The following NKAIN2 variants were observed in gnomAD, a reference collection of about 807,000 sequenced individuals.
NKAIN2 encodes sodium/potassium transporting ATPase interacting 2, also known as sodium/potassium-transporting ATPase subunit beta-1-interacting protein 2.
A neutral mutation model predicts 32.6 loss-of-function variants in NKAIN2; 14 were observed. That is an observed-to-expected ratio of 0.43 (90% confidence interval 0.28 to 0.67). NKAIN2 has a LOEUF of 0.67. Ranked by LOEUF, NKAIN2 falls within the 30% of genes least tolerant of loss-of-function variation. NKAIN2 has a pLI of 0.17. For synonymous variants in NKAIN2, 80 were observed against 87.2 expected (o/e 0.92, Z 0.46); for missense variants, 198 against 258.3 (o/e 0.77, Z 1.60).
At chr6:123,854,362 A>G (rs1775476612) in intron 1 of NKAIN2, among the ~76,000 whole-genome samples, 1 of 152,156 alleles carries the variant, frequency 6.6e-6, no homozygotes, top group Non-Finnish European at 1.5e-5. Flanking sequence ...TTGGTAGCTT[A>G]TACAATTTTA....
chr6:124,652,830 T>C (rs923298900), intron 3 of NKAIN2, among the ~76,000 whole-genome samples: 3 of 152,138 alleles, frequency 2.0e-5, no homozygotes, highest in Non-Finnish European at 4.4e-5. Flanking sequence ...CATTAGTCCA[T>C]TGGTGAGCCT....
At chr6:124,221,519 C>T (rs1055131034) in intron 1 of NKAIN2, among the ~76,000 whole-genome samples, 1 of 151,656 alleles carries the variant, frequency 6.6e-6, no homozygotes, top group Non-Finnish European at 1.5e-5. Flanking sequence ...AACTAACCTG[C>T]ACAATGTGCA....
intron 1 of NKAIN2, among the ~76,000 whole-genome samples, chr6:124,060,273 C>T (rs1009304861): frequency 3.9e-5 from 6 of 152,134 alleles, no homozygotes; most frequent in African/African-American, 1.2e-4. Flanking sequence ...TTGGCATTTT[C>T]GTAGGTGCTT....
chr6:123,911,915 A>G (rs1775233153), intron 1 of NKAIN2, among the ~76,000 whole-genome samples: 1 of 149,438 alleles, frequency 6.7e-6, no homozygotes. Flanking sequence ...TCAACCAACC[A>G]ATTTTACAGG....
intron 4 of NKAIN2, among the ~76,000 whole-genome samples, chr6:124,783,431 T>C (rs1011447279): frequency 6.6e-6 from 1 of 152,208 alleles, no homozygotes; most frequent in Non-Finnish European, 1.5e-5. Flanking sequence ...TGCTTGATGA[T>C]GCAGCAGAAT....
At chr6:124,038,749 C>CT in intron 1 of NKAIN2, among the ~76,000 whole-genome samples, 1 of 152,216 alleles carries the variant, frequency 6.6e-6, no homozygotes, top group African/African-American at 2.4e-5. Flanking sequence ...TAATATATAA[C>CT]TTTAATGAAA....
intron 1 of NKAIN2, among the ~76,000 whole-genome samples, chr6:123,941,561 G>A (rs986306495): frequency 2.6e-5 from 4 of 151,568 alleles, no homozygotes; most frequent in Admixed American, 6.6e-5. Context: ...TATATAAGTC[G>A]TTGACTTAAA....
intron 3 of NKAIN2, among the ~76,000 whole-genome samples, chr6:124,418,376 C>T (rs1037588991): frequency 4.0e-5 from 6 of 151,712 alleles, no homozygotes; most frequent in African/African-American, 1.5e-4. Flanking sequence ...AGATGATTTT[C>T]AGATCCCTGC....
At chr6:123,997,147 GGT>G (rs754612878) in intron 1 of NKAIN2, among the ~76,000 whole-genome samples, 8 of 152,002 alleles carry the variant, frequency 5.3e-5, no homozygotes, top group Non-Finnish European at 1.2e-4. Context: ...AGAAGATAAA[GGT>G]GTTAAGAAAT....
intron 2 of NKAIN2, among the ~76,000 whole-genome samples, chr6:124,353,726 GC>G (rs1798837307): frequency 6.6e-6 from 1 of 151,884 alleles, no homozygotes. Flanking sequence ...CTGCACTCCA[GC>G]CTGGGCGACA....
At chr6:124,324,977 A>T (rs2115034707) in intron 2 of NKAIN2, among the ~76,000 whole-genome samples, 1 of 152,186 alleles carries the variant, frequency 6.6e-6, no homozygotes, top group East Asian at 1.9e-4. Flanking sequence ...ATCTATGATC[A>T]TGACAGATAT....
intron 3 of NKAIN2, among the ~76,000 whole-genome samples, chr6:124,625,245 A>G (rs1485703196): frequency 6.6e-6 from 1 of 152,084 alleles, no homozygotes; most frequent in Non-Finnish European, 1.5e-5. Context: ...TCCCTGGGAC[A>G]TATTTTCTCT....
At chr6:124,237,208 C>A (rs1268892286) in intron 1 of NKAIN2, among the ~76,000 whole-genome samples, 1 of 152,032 alleles carries the variant, frequency 6.6e-6, no homozygotes, top group East Asian at 1.9e-4. Flanking sequence ...CAGGTGAGTG[C>A]ATATTGTGGA....
intron 4 of NKAIN2, among the ~76,000 whole-genome samples, chr6:124,779,101 G>A (rs973574248): frequency 6.6e-6 from 1 of 151,966 alleles, no homozygotes; most frequent in Non-Finnish European, 1.5e-5. Flanking sequence ...TTAGCTGGGC[G>A]TGGTGGCACA....
chr6:124,439,835 C>T (rs1183673686), intron 3 of NKAIN2, among the ~76,000 whole-genome samples: 1 of 151,886 alleles, frequency 6.6e-6, no homozygotes, highest in East Asian at 1.9e-4. Context: ...TTCTTCTGGT[C>T]CCCGCACTTC....
chr6:124,472,120 A>G (rs544580241), intron 3 of NKAIN2, among the ~76,000 whole-genome samples: 1 of 152,248 alleles, frequency 6.6e-6, no homozygotes, highest in South Asian at 2.1e-4. Flanking sequence ...ACATTTTATT[A>G]AATTAAATCT....
intron 3 of NKAIN2, among the ~76,000 whole-genome samples, chr6:124,519,319 CT>C (rs1779037635): frequency 6.6e-6 from 1 of 152,116 alleles, no homozygotes; most frequent in Admixed American, 6.5e-5. Context: ...GCTGGATGGT[CT>C]CTCAGTAAGG....
chr6:124,154,302 G>C (rs1394553365), intron 1 of NKAIN2, among the ~76,000 whole-genome samples: 5 of 151,806 alleles, frequency 3.3e-5, no homozygotes, highest in Non-Finnish European at 1.5e-5. Context: ...TGTTTCTCAA[G>C]TCATGAGACT....
chr6:123,812,663 G>C (rs1003053829), intron 1 of NKAIN2, among the ~76,000 whole-genome samples: 3 of 152,198 alleles, frequency 2.0e-5, no homozygotes, highest in African/African-American at 4.8e-5. Flanking sequence ...TGGATGAGGA[G>C]CAATGTCTGT....
Sources: gnomAD v4.1 joint callset for allele counts (sites outside exome capture counted in the v4.1 genomes callset) on GRCh38, gnomAD v4.1.1 for gene constraint, MANE v1.5 for transcripts, NCBI Gene and HGNC (gene_info 2026-07-23, HGNC 2026-07-21) for gene names.